Variants in OSBPL10 observed in about 807,000 individuals in gnomAD.
OSBPL10 encodes the protein oxysterol-binding protein-related protein 10.
In OSBPL10, 49 loss-of-function variants were observed where a neutral mutation model predicts 81.7. The ratio of observed to expected loss-of-function variants is 0.60; its 90% confidence interval spans 0.48 to 0.76. The LOEUF (loss-of-function observed/expected upper bound fraction) is 0.76. Among genes scored for constraint, OSBPL10 ranks in the 30% least tolerant of loss-of-function variants. The pLI, the probability that OSBPL10 is intolerant of heterozygous loss-of-function variation, is 0.00. For missense variants in OSBPL10, 923 were observed against 987.8 expected (o/e 0.93, Z 0.88); for synonymous variants, 419 against 383.6 (o/e 1.09, Z -1.08).
At chr3:31,774,676 C>T (rs1698498457) in intron 4 of OSBPL10, among the ~76,000 whole-genome samples, 1 of 151,570 alleles carries the variant, frequency 6.6e-6, no homozygotes, top group Non-Finnish European at 1.5e-5. Context: ...CCACACCTGG[C>T]TAATTTTTGT....
rs937853908 is a variant in OSBPL10, at chr3:31,939,402, C to G, written c.281+41497G>C. Among the ~76,000 whole-genome samples the G allele has an allele frequency of 1.2e-4, 18 of 151,812 alleles. No homozygotes were observed. In the East Asian group the frequency reaches 1.4e-3, roughly 11 times the overall value. On this transcript the variant is annotated intron_variant, in intron 1 of 11. Coordinates refer to ENST00000396556, the MANE Select transcript of OSBPL10 (RefSeq NM_017784.5). ...TTGTGACCTACCCGCCCTAGCTTCC[C>G]AAAGTGCTGGGATTACAGGCATGAG...
intron 8 of OSBPL10, among the ~76,000 whole-genome samples, chr3:31,682,621 C>T (rs774142750): frequency 6.6e-6 from 1 of 152,240 alleles, no homozygotes; most frequent in Non-Finnish European, 1.5e-5. Flanking sequence ...GAAAGCTCAA[C>T]TGCCCTCTCC....
intron 1 of OSBPL10, among the ~76,000 whole-genome samples, chr3:31,980,465 GAA>G (rs1698802531): frequency 1.3e-5 from 2 of 152,342 alleles, no homozygotes; most frequent in East Asian, 3.9e-4. Flanking sequence ...GTTACTTAGA[GAA>G]TTACTGTAAT....
chr3:32,076,551 G>A (rs921548117), intron 1 of OSBPL10, among the ~76,000 whole-genome samples: 6 of 151,990 alleles, frequency 3.9e-5, no homozygotes, highest in Non-Finnish European at 5.9e-5. Context: ...TTCCCTGTTC[G>A]CCTGACAAAC....
Position 31,844,207 on chromosome 3 carries a change from C to T in OSBPL10, c.538-13976G>A, listed in dbSNP as rs1280327586. Among the ~76,000 whole-genome samples, 3 of 152,158 alleles carry T rather than the reference C, an allele frequency of 2.0e-5. No individual in the cohort carries two copies. In the East Asian group the frequency reaches 5.8e-4, roughly 29 times the overall value. ...CATTATAATGCAGAGAATTGCTTAG[C>T]AGCAAGCAAAATGTGTTGGTTCCAA... On this transcript the variant is annotated intron_variant, in intron 3 of 11. Transcript: ENST00000396556.
chr3:31,897,202 T>TG (rs1383255991), intron 1 of OSBPL10, among the ~76,000 whole-genome samples: 1 of 152,096 alleles, frequency 6.6e-6, no homozygotes, highest in African/African-American at 2.4e-5. Context: ...CTACTGGAAA[T>TG]GCAAGTAGAA....
intron 8 of OSBPL10, among the ~76,000 whole-genome samples, chr3:31,671,614 G>A (rs933686991): frequency 2.6e-5 from 4 of 152,174 alleles, no homozygotes; most frequent in Non-Finnish European, 5.9e-5. Flanking sequence ...TACAGCTGCT[G>A]TCAGCAACCT....
intron 1 of OSBPL10, among the ~76,000 whole-genome samples, chr3:32,070,745 C>T (rs188725840): frequency 7.2e-4 from 109 of 152,304 alleles, no homozygotes; most frequent in Non-Finnish European, 1.2e-3. Flanking sequence ...AATTGTTTTG[C>T]CTATCCACCC....
intron 1 of OSBPL10, among the ~76,000 whole-genome samples, chr3:31,930,889 C>T (rs1334995119): frequency 1.3e-5 from 2 of 151,500 alleles, no homozygotes; most frequent in Non-Finnish European, 2.9e-5. Context: ...TGGCAGGCAC[C>T]TGTAGTCCCA....
In OSBPL10 at chr3:31,965,466, A is replaced by C. The variant is rs868478498; in HGVS notation, c.281+15433T>G. ...ATATTATATAATATATAATTTATAT[A>C]ATATATATTATATATTATCTATTTT... On this transcript the variant is annotated intron_variant, in intron 1 of 11. Coordinates refer to ENST00000396556, the MANE Select transcript of OSBPL10 (RefSeq NM_017784.5). Among the ~76,000 whole-genome samples the C allele has an allele frequency of 1.6e-4, 16 of 99,682 alleles. 1 individual carries two copies. In the Middle Eastern group the frequency reaches 0.013, roughly 81 times the overall value. 65.4% of individuals were successfully genotyped at this position (99,682 alleles called of 152,430 possible).
chr3:31,941,753 T>A (rs1393028787), intron 1 of OSBPL10, among the ~76,000 whole-genome samples: 2 of 152,196 alleles, frequency 1.3e-5, no homozygotes. Context: ...TAGTGTTAAA[T>A]TGCAAGTGAA....
chr3:31,876,184 CAG>C (rs1313093871), intron 3 of OSBPL10, among the ~76,000 whole-genome samples: 2 of 152,130 alleles, frequency 1.3e-5, no homozygotes, highest in African/African-American at 4.8e-5. Flanking sequence ...AAATTGACAA[CAG>C]AATGCAAAAG....
At chr3:32,075,838 G>C (rs1699869508) in intron 1 of OSBPL10, among the ~76,000 whole-genome samples, 1 of 152,188 alleles carries the variant, frequency 6.6e-6, no homozygotes, top group Admixed American at 6.5e-5. Flanking sequence ...TATACATCCA[G>C]ATGGCCTGAA....
chr3:31,898,007 A>C (rs1487443550), intron 1 of OSBPL10, among the ~76,000 whole-genome samples: 2 of 19,324 alleles, frequency 1.0e-4, no homozygotes, highest in Non-Finnish European at 1.8e-4. Context: ...GAACTCTGTC[A>C]AAAAAAAAAA....
intron 3 of OSBPL10, among the ~76,000 whole-genome samples, chr3:31,837,195 G>A (rs1700374785): frequency 1.3e-5 from 2 of 151,736 alleles, no homozygotes; most frequent in Admixed American, 1.3e-4. Flanking sequence ...GCTGATAACT[G>A]TTACACATTT....
chr3:31,767,358 T>C (rs1378056261), intron 4 of OSBPL10, among the ~76,000 whole-genome samples: 2 of 152,210 alleles, frequency 1.3e-5, no homozygotes, highest in Admixed American at 6.5e-5. Flanking sequence ...CTAAAAAATA[T>C]AATTGTGTGT....
intron 8 of OSBPL10, among the ~76,000 whole-genome samples, chr3:31,683,248 T>G (rs1199237268): frequency 6.6e-6 from 1 of 152,248 alleles, no homozygotes. Flanking sequence ...TTATCCTCAT[T>G]GTCTGTGAGC....
chr3:31,703,504 C>CG (rs1208673573), intron 6 of OSBPL10: 1 of 152,150 alleles, frequency 6.6e-6, no homozygotes, highest in Non-Finnish European at 1.5e-5. Context: ...ATGCAAAAAA[C>CG]GAACAATTTA....
rs547666996 is a variant in OSBPL10 at position 31,936,788 on chromosome 3, A to G, written c.281+44111T>C. The stretch of plus-strand genomic sequence containing the variant: ...AAGAAAAATGTGTTTAAATTCCCCA[A>G]AGGAACCCTATGCTCTACACTGGGA... On this transcript the variant is annotated intron_variant, in intron 1 of 11. Transcript: ENST00000396556. Among the ~76,000 whole-genome samples the G allele has an allele frequency of 2.0e-5, 3 of 152,024 alleles. No homozygotes were observed. The East Asian group carries it at 5.8e-4, about 29-fold the overall frequency.
Sources: allele counts gnomAD v4.1 joint callset (sites outside exome capture counted in the v4.1 genomes callset), GRCh38; gene constraint gnomAD v4.1.1; transcripts MANE v1.5; gene names NCBI Gene and HGNC (gene_info 2026-07-23, HGNC 2026-07-21).